The following PVT1 variants were observed in gnomAD, a reference collection of about 807,000 sequenced individuals.
PVT1 encodes CXCR4/PVT1 fusion.
At chr8:128,004,925 G>C (rs993564722) in intron 4 of PVT1, among the ~76,000 whole-genome samples, 2 of 152,190 alleles carry the variant, frequency 1.3e-5, no homozygotes, top group Non-Finnish European at 2.9e-5. Context: ...CAGATCACTT[G>C]AGGTTGGGAG....
At chr8:128,048,199 T>A (rs1813643066) in intron 4 of PVT1, among the ~76,000 whole-genome samples, 1 of 152,266 alleles carries the variant, frequency 6.6e-6, no homozygotes, top group Non-Finnish European at 1.5e-5. Flanking sequence ...CCTGCCCATT[T>A]GCATTGGTAT....
chr8:128,099,424 C>T (rs1814472044), intron 6 of PVT1: 1 of 152,294 alleles, frequency 6.6e-6, no homozygotes, highest in Non-Finnish European at 1.5e-5. Flanking sequence ...CCCAGCATCA[C>T]TGTGGGAAAA....
intron 4 of PVT1, among the ~76,000 whole-genome samples, chr8:127,997,044 G>GGTTTTTT (rs1554603119): frequency 1.2e-5 from 1 of 81,594 alleles, no homozygotes; most frequent in African/African-American, 5.0e-5. Context: ...ATTTGCTTTC[G>GGTTTTTT]TTTTTTTTTT....
intron 5 of PVT1, among the ~76,000 whole-genome samples, chr8:128,083,842 A>C (rs1814221648): frequency 6.6e-6 from 1 of 152,118 alleles, no homozygotes; most frequent in African/African-American, 2.4e-5. Context: ...TCTACCATCC[A>C]AGTTGCCACC....
At chr8:127,957,620 A>G (rs1373770269) in intron 3 of PVT1, among the ~76,000 whole-genome samples, 3 of 151,708 alleles carry the variant, frequency 2.0e-5, no homozygotes, top group Non-Finnish European at 4.4e-5. Context: ...TCTGCAGGCC[A>G]TGGGGGACAT....
At chr8:128,013,976 G>C (rs1817343376) in intron 4 of PVT1, among the ~76,000 whole-genome samples, 1 of 152,164 alleles carries the variant, frequency 6.6e-6, no homozygotes. Flanking sequence ...AGATTTCTGG[G>C]AACTATAGAC....
intron 3 of PVT1, among the ~76,000 whole-genome samples, chr8:127,950,896 GTCTTT>G (rs1187994344): frequency 2.0e-5 from 3 of 152,188 alleles, no homozygotes; most frequent in Admixed American, 6.5e-5. Flanking sequence ...GCAAGCCACT[GTCTTT>G]TCTTTTCTTT....
intron 3 of PVT1, among the ~76,000 whole-genome samples, chr8:127,953,360 C>T (rs1410836436): frequency 6.6e-6 from 1 of 152,140 alleles, no homozygotes; most frequent in Non-Finnish European, 1.5e-5. Context: ...AGATATCAGC[C>T]TGTAGATTGC....
intron 6 of PVT1, among the ~76,000 whole-genome samples, chr8:128,098,427 C>T (rs975262446): frequency 2.6e-5 from 4 of 152,078 alleles, no homozygotes. Context: ...GAGAGCTTTT[C>T]AAGTCACCCT....
Position 127,831,863 on chromosome 8 carries a change from G to A in PVT1, n.372+35792G>A, listed in dbSNP as rs114351989. Reference sequence around the variant, plus strand: ...CAAGAGGAAGCCAGTGACCAATGAAGGTGACTGCTCTTGCGTTCTGCTCTC... The same window carrying A: ...CAAGAGGAAGCCAGTGACCAATGAAAGTGACTGCTCTTGCGTTCTGCTCTC... On this transcript the variant is annotated intron_variant and non_coding_transcript_variant, in intron 2 of 10. Transcript: ENST00000651587. Among the ~76,000 whole-genome samples, 240 of 152,322 alleles carry A rather than the reference G, an allele frequency of 1.6e-3. 2 individuals carry two copies. Among genetic ancestry groups the A allele is most frequent in the African/African-American group, 5.5e-3 (230 of 41,574 alleles).
chr8:128,085,297 A>G (rs1290883906), intron 5 of PVT1, among the ~76,000 whole-genome samples: 4 of 152,148 alleles, frequency 2.6e-5, no homozygotes, highest in Non-Finnish European at 1.5e-5. Context: ...ACATCTGACT[A>G]CAAGGGCATG....
chr8:127,945,669 TC>T (rs780486775), intron 3 of PVT1, among the ~76,000 whole-genome samples: 30 of 152,158 alleles, frequency 2.0e-4, no homozygotes, highest in Admixed American at 5.2e-4. Flanking sequence ...CTTTCCCTGT[TC>T]CTTTTGTTGC....
At chr8:128,091,794 C>T (rs1200447747) in intron 5 of PVT1, among the ~76,000 whole-genome samples, 3 of 152,154 alleles carry the variant, frequency 2.0e-5, no homozygotes, top group African/African-American at 4.8e-5. Flanking sequence ...AAAAGCTTAG[C>T]CCAGTGCCTG....
chr8:127,927,164 C>A (rs1816140298), intron 3 of PVT1, among the ~76,000 whole-genome samples: 1 of 152,200 alleles, frequency 6.6e-6, no homozygotes, highest in Non-Finnish European at 1.5e-5. Context: ...GGAACTTCTT[C>A]TATGAAAATG....
intron 4 of PVT1, among the ~76,000 whole-genome samples, chr8:128,041,460 ATG>A (rs1311745460): frequency 7.1e-6 from 1 of 140,584 alleles, no homozygotes; most frequent in East Asian, 2.2e-4. Context: ...TGGCGTGTAT[ATG>A]TGTTTGGTGT....
chr8:127,856,560 C>T (rs146043997), intron 2 of PVT1, among the ~76,000 whole-genome samples: 3 of 151,994 alleles, frequency 2.0e-5, no homozygotes, highest in Non-Finnish European at 2.9e-5. Flanking sequence ...AGGCTGGTCT[C>T]GAACTCCCGA....
At chr8:127,927,750 C>G (rs369988494) in intron 3 of PVT1, among the ~76,000 whole-genome samples, 1 of 152,166 alleles carries the variant, frequency 6.6e-6, no homozygotes, top group African/African-American at 2.4e-5. Context: ...GCCGTGCTGA[C>G]CCCCCAACCA....
At chr8:127,802,344 G>C (rs536283120) in intron 2 of PVT1, among the ~76,000 whole-genome samples, 4 of 152,150 alleles carry the variant, frequency 2.6e-5, no homozygotes, top group Non-Finnish European at 5.9e-5. Flanking sequence ...CTCCTGGGCA[G>C]CTGGGACCAC....
intron 4 of PVT1, among the ~76,000 whole-genome samples, chr8:128,056,347 G>A (rs1478948522): frequency 6.6e-6 from 1 of 152,190 alleles, no homozygotes; most frequent in African/African-American, 2.4e-5. Flanking sequence ...ACATTTGAAT[G>A]TGCAGGTATG....
Sources: gnomAD v4.1 joint callset for allele counts (sites outside exome capture counted in the v4.1 genomes callset) on GRCh38, gnomAD v4.1.1 for gene constraint, MANE v1.5 for transcripts, NCBI Gene and HGNC (gene_info 2026-07-23, HGNC 2026-07-21) for gene names.